The following DOCK5 variants were observed in gnomAD, a reference collection of about 807,000 sequenced individuals.
The protein encoded by DOCK5 is dedicator of cytokinesis protein 5.
Under a neutral mutation model 251.8 loss-of-function variants are expected in DOCK5, and 142 were observed. The observed-to-expected ratio is 0.56, with a 90% CI of 0.49 to 0.65. The LOEUF is 0.65. Among genes scored for constraint, DOCK5 ranks in the 30% least tolerant of loss-of-function variants. The probability of loss-of-function intolerance (pLI) is 0.00; values close to 1 mark genes in which losing one functional copy is unlikely to be tolerated. For missense variants in DOCK5, 2,111 were observed against 2,312.3 expected (o/e 0.91, Z 1.79); for synonymous variants, 842 against 835.5 (o/e 1.01, Z -0.13).
chr8:25,291,573 T>TAGGAGGCTGAGGCATGC (rs1804487656), intron 5 of DOCK5, among the ~76,000 whole-genome samples: 1 of 151,500 alleles, frequency 6.6e-6, no homozygotes, highest in Non-Finnish European at 1.5e-5. Flanking sequence ...GTCCCAGCTA[T>TAGGAGGCTGAGGCATGC]TCAGGAGGCT....
chr8:25,346,837 A>C (rs921720981), intron 26 of DOCK5, among the ~76,000 whole-genome samples: 1 of 151,966 alleles, frequency 6.6e-6, no homozygotes, highest in African/African-American at 2.4e-5. Context: ...AAAAAAAAAA[A>C]AGAAAACATA....
At chr8:25,348,072 A>G (rs541596753) in intron 26 of DOCK5, among the ~76,000 whole-genome samples, 2 of 152,340 alleles carry the variant, frequency 1.3e-5, no homozygotes, top group Admixed American at 1.3e-4. Flanking sequence ...TTTGTCCATC[A>G]TGATGGTACC....
intron 44 of DOCK5, among the ~76,000 whole-genome samples, chr8:25,393,801 C>A (rs1277933544): frequency 6.6e-6 from 1 of 152,206 alleles, no homozygotes; most frequent in African/African-American, 2.4e-5. Flanking sequence ...CCGCTAACAC[C>A]ATCAGCTCCT....
intron 21 of DOCK5, among the ~76,000 whole-genome samples, chr8:25,334,584 A>G (rs570196222): frequency 6.6e-6 from 1 of 152,176 alleles, no homozygotes; most frequent in East Asian, 1.9e-4. Context: ...GGTGACACAC[A>G]CCTGTAGTCC....
chr8:25,275,598 AC>A (rs929126176), intron 4 of DOCK5, among the ~76,000 whole-genome samples, 157 bp downstream of exon 4: 1 of 152,108 alleles, frequency 6.6e-6, no homozygotes, highest in African/African-American at 2.4e-5. Context: ...ACTTTGGGAG[AC>A]CGAGGTGGGC....
chr8:25,229,602 G>A (rs565534847), intron 1 of DOCK5, among the ~76,000 whole-genome samples: 13 of 152,054 alleles, frequency 8.5e-5, no homozygotes, highest in East Asian at 7.7e-4. Flanking sequence ...AGAATTTTTC[G>A]TTTCTTTGCT....
In DOCK5 at chr8:25,408,135, C is replaced by T. The variant is rs34067851; in HGVS notation, c.5246C>T (p.Ala1749Val). 1.3e-6 allele frequency: 2 copies of T among 1,590,484 alleles called. No homozygotes were observed. The highest frequency in any genetic ancestry group is 1.7e-6 in the Non-Finnish European group (2 of 1,168,822). Residue 1749 changes from alanine to valine, a missense_variant, in exon 49 of 52, where the codon GCA becomes GTA. This residue lies in a region of DOCK5 where 1,717 missense variants were observed against 1,892.4 expected (regional missense o/e 0.91). Transcript: ENST00000276440. ...AAGTCCCAGGTCATTGCAGAGAAAG[C>T]ACCAGAACCCGATTTGATGGTAAAA... ...LSKSQVIAEK[A>V]PEPDLMSPTR...
rs536058197 is a variant in DOCK5 at position 25,312,775 on chromosome 8, A to AAG, written c.1318+2244_1318+2245insGA. 6.1e-3 allele frequency among the ~76,000 whole-genome samples: 931 copies of AAG among 151,550 alleles called. 9 individuals are homozygous for AAG. Among genetic ancestry groups the AAG allele is most frequent in the Non-Finnish European group, 9.7e-3 (655 of 67,840 alleles). On this transcript the variant is annotated intron_variant, in intron 13 of 51. Coordinates refer to ENST00000276440, the MANE Select transcript of DOCK5 (RefSeq NM_024940.8). ...AGACTCCGTCTCAAAAAAAAAAAAAAAAAAATTAGCTGGGAGTGGTGGCGC... is the reference window on the plus strand; with the variant it reads ...AGACTCCGTCTCAAAAAAAAAAAAAAAGAAAAATTAGCTGGGAGTGGTGGCGC...
intron 1 of DOCK5, among the ~76,000 whole-genome samples, chr8:25,198,748 C>T (rs1586221724): frequency 6.6e-6 from 1 of 152,150 alleles, no homozygotes; most frequent in Non-Finnish European, 1.5e-5. Context: ...GATGACTTAC[C>T]TAAAAGTCAC....
At chr8:25,397,774 G>A (rs1801371584) in intron 45 of DOCK5, among the ~76,000 whole-genome samples, 1 of 122,178 alleles carries the variant, frequency 8.2e-6, no homozygotes, top group South Asian at 2.9e-4. Context: ...AATATCATAT[G>A]AAGTTTTTCC....
intron 7 of DOCK5, 64 bp from the exon 8 acceptor site, chr8:25,298,880 A>ATTTC (rs1804684205): frequency 6.7e-7 from 1 of 1,485,782 alleles, no homozygotes; most frequent in Admixed American, 2.2e-5. Flanking sequence ...TTATTTATTT[A>ATTTC]TTTTTGCCAA....
chr8:25,364,902 A>G (rs1563217307), intron 30 of DOCK5, 198 bp downstream of exon 30: 1 of 461,836 alleles, frequency 2.2e-6, no homozygotes, highest in Non-Finnish European at 3.9e-6. Flanking sequence ...TCTTCTTTCT[A>G]TAAAGGTAAC....
At chr8:25,234,771 C>T (rs1413200365) in intron 1 of DOCK5, among the ~76,000 whole-genome samples, 2 of 152,176 alleles carry the variant, frequency 1.3e-5, no homozygotes, top group Admixed American at 6.5e-5. Context: ...GGTGCTGTTT[C>T]TTAAAGGAGC....
intron 2 of DOCK5, among the ~76,000 whole-genome samples, chr8:25,247,316 G>C (rs1195192418): frequency 1.3e-5 from 2 of 152,118 alleles, no homozygotes; most frequent in African/African-American, 2.4e-5. Flanking sequence ...TAATTTTAAG[G>C]ATGAGTGTGG....
At chr8:25,220,432 A>G (rs974937085) in intron 1 of DOCK5, among the ~76,000 whole-genome samples, 8 of 152,094 alleles carry the variant, frequency 5.3e-5, no homozygotes, top group Non-Finnish European at 1.2e-4. Context: ...CTCTGTGGCA[A>G]TTCAGATTCT....
In DOCK5 at chr8:25,349,177, A is replaced by G. The variant is rs139286609; in HGVS notation, c.2755-2554A>G. On this transcript the variant is annotated intron_variant, in intron 26 of 51. Transcript: ENST00000276440. Reference sequence around the variant, plus strand: ...TACTGTAATTAAAATACATATAGCCATACCATAATTGAGAAGTCAAAAAAC... The same window carrying G: ...TACTGTAATTAAAATACATATAGCCGTACCATAATTGAGAAGTCAAAAAAC... Among the ~76,000 whole-genome samples the G allele has an allele frequency of 1.2e-3, 179 of 152,340 alleles. 1 individual carries two copies. Among genetic ancestry groups the G allele is most frequent in the Non-Finnish European group, 6.8e-4 (46 of 68,026 alleles).
At chr8:25,392,121 G>A in intron 43 of DOCK5, 141 bp downstream of exon 43, 1 of 760,970 alleles carries the variant, frequency 1.3e-6, no homozygotes, top group Non-Finnish European at 2.1e-6. Context: ...GGCTAATACG[G>A]TGAAACCCCA....
intron 1 of DOCK5, among the ~76,000 whole-genome samples, chr8:25,202,199 G>A (rs781646586): frequency 3.9e-5 from 6 of 152,046 alleles, no homozygotes; most frequent in Non-Finnish European, 7.4e-5. Context: ...TGTATTTTTA[G>A]AAGAGATAGG....
rs2117359506 is a variant in DOCK5, at chr8:25,414,950, T to C, written c.*3652T>C. On this transcript the variant is annotated 3_prime_UTR_variant, in exon 52 of 52. Coordinates refer to ENST00000276440, the MANE Select transcript of DOCK5 (RefSeq NM_024940.8). ...TTTTGAAGCTACCTGAGGTTTAGAA[T>C]TCCTTCAGCCCTAGCTGCTTTTATT... 1 of 142,858 alleles carries C rather than the reference T, an allele frequency of 7.0e-6. No homozygotes were observed. The highest frequency in any genetic ancestry group is 1.5e-5 in the Non-Finnish European group (1 of 66,144). The allele number at this position is 142,858 out of a possible 1,614,324, so 8.8% of individuals were successfully genotyped here. A position where few individuals can be genotyped will look rare whatever the true frequency, so the allele number is the denominator to read the frequency against.
Sources: allele counts gnomAD v4.1 joint callset (sites outside exome capture counted in the v4.1 genomes callset), GRCh38; gene constraint gnomAD v4.1.1; regional missense constraint gnomAD v4.1.1; transcripts MANE v1.5; gene names NCBI Gene and HGNC (gene_info 2026-07-23, HGNC 2026-07-21).